Variants in IL1R1 observed in about 807,000 individuals in gnomAD.
The protein encoded by IL1R1 is interleukin 1 receptor type 1.
IL1R1 carries 22 observed loss-of-function variants against 50.2 expected under a neutral mutation model. The observed-to-expected ratio is 0.44, with a 90% CI of 0.31 to 0.63. IL1R1 has a LOEUF of 0.63. Among genes scored for constraint, IL1R1 ranks in the 20% least tolerant of loss-of-function variants. The pLI, the probability that IL1R1 is intolerant of heterozygous loss-of-function variation, is 0.07. For missense variants in IL1R1, 509 were observed against 676.2 expected, an observed-to-expected ratio of 0.75 and a Z score of 2.74; for synonymous variants, 251 against 236.7, an observed-to-expected ratio of 1.06 and a Z score of -0.55.
intron 1 of IL1R1, among the ~76,000 whole-genome samples, chr2:102,079,627 A>G: frequency 6.6e-6 from 1 of 152,170 alleles, no homozygotes; most frequent in East Asian, 1.9e-4. Context: ...TCCCATGTTC[A>G]TGAATCAGAA....
intron 6 of IL1R1, among the ~76,000 whole-genome samples, chr2:102,168,327 C>T (rs557557277): frequency 1.6e-4 from 24 of 152,290 alleles, no homozygotes; most frequent in South Asian, 6.2e-4. Flanking sequence ...TGTCTGGGGA[C>T]CCAGGGTCCT....
chr2:102,125,119 C>CCT (rs1236063457), intron 1 of IL1R1, among the ~76,000 whole-genome samples: 10 of 152,134 alleles, frequency 6.6e-5, no homozygotes, highest in Non-Finnish European at 1.0e-4. Context: ...TGGCAGGGAA[C>CCT]CTCTCATGGT....
At chr2:102,076,938 G>T (rs775547512) in intron 1 of IL1R1, among the ~76,000 whole-genome samples, 6 of 151,488 alleles carry the variant, frequency 4.0e-5, no homozygotes, top group Non-Finnish European at 8.8e-5. Context: ...ACATATATTT[G>T]GATATTTTAC....
Position 102,156,466 on chromosome 2 carries a change from T to C in IL1R1, c.-6-1253T>C, listed in dbSNP as rs150931212. The stretch of plus-strand genomic sequence containing the variant: ...CGCATGGTTAGAAAATCTTTTTTTT[T>C]CCTGTATTTGTTTAAAAAGCATTTT... On this transcript the variant is annotated intron_variant, in intron 2 of 11. Transcript: ENST00000410023. Among the ~76,000 whole-genome samples, 85 of 152,270 alleles carry C rather than the reference T, an allele frequency of 5.6e-4. 1 individual carries two copies. In the East Asian group the frequency reaches 0.014, roughly 25 times the overall value.
intron 2 of IL1R1, among the ~76,000 whole-genome samples, chr2:102,155,409 A>C (rs1684092008): frequency 6.6e-6 from 1 of 152,188 alleles, no homozygotes; most frequent in South Asian, 2.1e-4. Context: ...AACTGCGAGC[A>C]CTATGGAGGC....
At chr2:102,171,005 G>A (rs572308773) in intron 7 of IL1R1, among the ~76,000 whole-genome samples, 3 of 152,234 alleles carry the variant, frequency 2.0e-5, no homozygotes, top group Non-Finnish European at 4.4e-5. Flanking sequence ...AGGTTACAGT[G>A]AGCCGAGATT....
intron 1 of IL1R1, among the ~76,000 whole-genome samples, chr2:102,110,536 A>G (rs1680698305): frequency 7.0e-6 from 1 of 143,782 alleles, no homozygotes. Flanking sequence ...GCTGGTTTTT[A>G]TTAGACTTCG....
At chr2:102,081,086 G>C (rs1045360769) in intron 1 of IL1R1, among the ~76,000 whole-genome samples, 8 of 152,170 alleles carry the variant, frequency 5.3e-5, no homozygotes, top group Non-Finnish European at 1.0e-4. Context: ...TTGCTAATGA[G>C]TATGAAGTTT....
rs971745635 is a variant in IL1R1 at position 102,178,255 on chromosome 2, T to C, written c.*1496T>C. The C allele has an allele frequency of 1.3e-5, 2 of 152,362 alleles. No individual in the cohort carries two copies. Among genetic ancestry groups the C allele is most frequent in the Non-Finnish European group, 2.9e-5 (2 of 68,074 alleles). 9.4% of individuals were successfully genotyped at this position (152,362 alleles called of 1,614,324 possible). On this transcript the variant is annotated 3_prime_UTR_variant, in exon 12 of 12. Transcript: ENST00000410023. ...TCTCTGGTCAGGCCCACTGCAGAGA[T>C]GGTGGTGAGCACATCTGGGAGGCTG...
At chr2:102,088,096 A>G (rs538463361) in intron 1 of IL1R1, among the ~76,000 whole-genome samples, 1 of 152,302 alleles carries the variant, frequency 6.6e-6, no homozygotes, top group African/African-American at 2.4e-5. Flanking sequence ...GTTGGAGTCA[A>G]CTTCTAAACT....
intron 1 of IL1R1, among the ~76,000 whole-genome samples, chr2:102,116,244 A>G (rs1681064921): frequency 6.6e-6 from 1 of 152,178 alleles, no homozygotes; most frequent in South Asian, 2.1e-4. Context: ...TGCTGAGAAA[A>G]AAGTTTAAGG....
At chr2:102,088,953 G>T (rs923854598) in intron 1 of IL1R1, among the ~76,000 whole-genome samples, 2 of 152,168 alleles carry the variant, frequency 1.3e-5, no homozygotes, top group African/African-American at 4.8e-5. Flanking sequence ...AAGAGTTAGG[G>T]CCTTGCTCTG....
intron 1 of IL1R1, among the ~76,000 whole-genome samples, chr2:102,075,256 T>A (rs1678909389): frequency 6.6e-6 from 1 of 152,198 alleles, no homozygotes; most frequent in South Asian, 2.1e-4. Context: ...ACTTCTTTAC[T>A]AAGTTTCTCT....
chr2:102,095,676 G>A (rs1359062360), intron 1 of IL1R1, among the ~76,000 whole-genome samples: 2 of 152,160 alleles, frequency 1.3e-5, no homozygotes, highest in African/African-American at 4.8e-5. Context: ...TAGCATTTAT[G>A]TTTGCATATA....
chr2:102,073,562 C>T (rs1291645914), intron 1 of IL1R1, among the ~76,000 whole-genome samples: 1 of 152,172 alleles, frequency 6.6e-6, no homozygotes, highest in African/African-American at 2.4e-5. Flanking sequence ...TCTCAGAAGT[C>T]CATGTGCCTC....
At chr2:102,171,598 A>T (rs1460319882) in intron 7 of IL1R1, among the ~76,000 whole-genome samples, 1 of 152,160 alleles carries the variant, frequency 6.6e-6, no homozygotes, top group Non-Finnish European at 1.5e-5. Context: ...CCATTTCAAA[A>T]ACTGCACATG....
intron 3 of IL1R1, among the ~76,000 whole-genome samples, chr2:102,164,512 C>T (rs951397718): frequency 1.3e-5 from 2 of 152,072 alleles, no homozygotes; most frequent in African/African-American, 4.8e-5. Flanking sequence ...TACATTGTCC[C>T]CACTTTTTAG....
chr2:102,150,504 C>G (rs1683553491), intron 1 of IL1R1, among the ~76,000 whole-genome samples: 1 of 152,220 alleles, frequency 6.6e-6, no homozygotes, highest in South Asian at 2.1e-4. Flanking sequence ...TTCATTTTGT[C>G]TTTAATCAAC....
At position 102,174,664 on chromosome 2, in the gene IL1R1, A is replaced by T; in HGVS notation, c.1069A>T (p.Lys357Ter). The T allele has an allele frequency of 6.2e-7, 1 of 1,612,442 alleles. No individual in the cohort carries two copies. The highest frequency in any genetic ancestry group is 8.5e-7 in the Non-Finnish European group (1 of 1,179,156). The change falls in exon 10 of 12, where the codon AAA (lysine) becomes TAA (stop). Residue 357 changes from lysine (K) to a stop codon, truncating the protein, a stop_gained. Transcript: ENST00000410023. LOFTEE classifies it high-confidence loss of function. ...VIIVCSVFIY[K>*]IFKIDIVLWY... ...AATTGTGTGTTCTGTTTTCATCTAT[A>T]AAATCTTCAAGATTGACATTGTGCT...
Sources: gnomAD v4.1 joint callset for allele counts (sites outside exome capture counted in the v4.1 genomes callset) on GRCh38, gnomAD v4.1.1 for gene constraint, MANE v1.5 for transcripts, NCBI Gene and HGNC (gene_info 2026-07-23, HGNC 2026-07-21) for gene names.